Variants in SPAG17 observed in about 807,000 individuals in gnomAD.
The protein encoded by SPAG17 is sperm-associated antigen 17.
A neutral mutation model predicts 273.6 loss-of-function variants in SPAG17; 169 were observed. That is an observed-to-expected ratio of 0.62 (90% CI 0.55 to 0.70). The LOEUF is 0.70. Ranked by LOEUF, SPAG17 falls within the 30% of genes least tolerant of loss-of-function variation. The pLI, the probability that SPAG17 is intolerant of heterozygous loss-of-function variation, is 0.00. For missense variants in SPAG17, 2,557 were observed against 2,627.8 expected, an observed-to-expected ratio of 0.97 and a Z score of 0.59; for synonymous variants, 825 against 873.2, an observed-to-expected ratio of 0.94 and a Z score of 0.97.
chr1:118,148,220 T>C (rs904482277), intron 3 of SPAG17, among the ~76,000 whole-genome samples: 1 of 152,232 alleles, frequency 6.6e-6, no homozygotes, highest in Non-Finnish European at 1.5e-5. Context: ...TCCTAGTGTG[T>C]CTGGAGTTGA....
Position 117,983,929 on chromosome 1 carries a change from A to T in SPAG17, c.5770-16T>A, listed in dbSNP as rs1303461580. ...GGTGATTATACTGAAAGGAAAAAAA[A>T]ACTTATTTTAGACTTATACATGGCT... On this transcript the variant is annotated splice_polypyrimidine_tract_variant and intron_variant, in intron 41 of 48. Transcript: ENST00000336338. 2.1e-6 allele frequency: 3 copies of T among 1,454,600 alleles called. No homozygotes were observed. The Admixed American group carries it at 5.2e-5, about 25-fold the overall frequency. 90.1% of individuals were successfully genotyped at this position (1,454,600 alleles called of 1,614,324 possible).
intron 4 of SPAG17, among the ~76,000 whole-genome samples, chr1:118,110,838 G>C (rs1246193947): frequency 6.6e-6 from 1 of 152,182 alleles, no homozygotes; most frequent in African/African-American, 2.4e-5. Flanking sequence ...CATAATTATT[G>C]AGACACACTT....
chr1:118,075,174 G>A (rs968160727), intron 15 of SPAG17, among the ~76,000 whole-genome samples: 8 of 152,148 alleles, frequency 5.3e-5, no homozygotes, highest in African/African-American at 1.2e-4. Context: ...ATGAGCATCT[G>A]CTAATTTACA....
At chr1:118,040,384 AC>A (rs1210017946) in intron 22 of SPAG17, among the ~76,000 whole-genome samples, 1 of 152,188 alleles carries the variant, frequency 6.6e-6, no homozygotes, top group Non-Finnish European at 1.5e-5. Flanking sequence ...CACAGAATGC[AC>A]TTGGCTTCTG....
intron 3 of SPAG17, among the ~76,000 whole-genome samples, chr1:118,123,517 T>C (rs1657535876): frequency 6.6e-6 from 1 of 152,234 alleles, no homozygotes; most frequent in Non-Finnish European, 1.5e-5. Context: ...ATATAGATCA[T>C]ACTGTCTGTC....
At chr1:117,994,602 T>C in intron 34 of SPAG17, 72 bp from the exon 35 acceptor site, 2 of 1,480,894 alleles carry the variant, frequency 1.4e-6, no homozygotes, top group South Asian at 2.7e-5. Context: ...ACGCATTGAC[T>C]AAATTCAACA....
At chr1:118,077,987 G>T (rs1654242741) in intron 15 of SPAG17, among the ~76,000 whole-genome samples, 3 of 152,102 alleles carry the variant, frequency 2.0e-5, no homozygotes, top group African/African-American at 4.8e-5. Context: ...CTAAGTCTTG[G>T]TTTCCTCATC....
chr1:118,054,499 G>A (rs1201839071), intron 19 of SPAG17, among the ~76,000 whole-genome samples: 7 of 151,880 alleles, frequency 4.6e-5, no homozygotes, highest in East Asian at 1.9e-4. Flanking sequence ...ATACTTTTCC[G>A]TACTTGAGAG....
At chr1:117,973,624 T>C (rs1171177416) in intron 43 of SPAG17, 63 bp from the exon 44 acceptor site, 5 of 1,513,280 alleles carry the variant, frequency 3.3e-6, no homozygotes, top group African/African-American at 1.4e-5. Context: ...TTTGAAGTAA[T>C]ATCAGAATGT....
intron 42 of SPAG17, among the ~76,000 whole-genome samples, chr1:117,982,737 A>C (rs911097779): frequency 3.3e-5 from 5 of 152,200 alleles, no homozygotes; most frequent in African/African-American, 1.2e-4. Flanking sequence ...AAACTTGTGC[A>C]GTTTCTCCAA....
At chr1:118,150,430 G>T in intron 3 of SPAG17, 113 bp downstream of exon 3, 1 of 521,908 alleles carries the variant, frequency 1.9e-6, no homozygotes, top group Non-Finnish European at 3.3e-6. Context: ...TATCTCCAAT[G>T]AGGAGCAGGC....
At chr1:117,973,696 A>T in intron 43 of SPAG17, 135 bp from the exon 44 acceptor site, 1 of 772,946 alleles carries the variant, frequency 1.3e-6, no homozygotes, top group Non-Finnish European at 1.9e-6. Context: ...TTATTTATTT[A>T]TTTTTATTTT....
At chr1:117,966,528 T>A in intron 47 of SPAG17, 81 bp downstream of exon 47, 1 of 1,231,138 alleles carries the variant, frequency 8.1e-7, no homozygotes, top group Non-Finnish European at 1.1e-6. Flanking sequence ...AAAGTAGAGA[T>A]GCATTTTGAC....
intron 47 of SPAG17, chr1:117,965,398 T>C (rs1488588538): frequency 6.6e-6 from 1 of 152,224 alleles, no homozygotes; most frequent in Non-Finnish European, 1.5e-5. Flanking sequence ...GTGTAAACGA[T>C]GCTTAAAATT....
intron 4 of SPAG17, among the ~76,000 whole-genome samples, chr1:118,104,739 T>C (rs752079950): frequency 1.3e-5 from 2 of 152,130 alleles, no homozygotes; most frequent in African/African-American, 2.4e-5. Flanking sequence ...TTGGCAGTTG[T>C]AGGTAACATG....
rs923980822 is a variant in SPAG17 at position 118,128,777 on chromosome 1, T to C, written c.316-13336A>G. Among the ~76,000 whole-genome samples, 4 of 152,330 alleles carry C rather than the reference T, an allele frequency of 2.6e-5. 1 individual carries two copies. In the East Asian group the frequency reaches 5.8e-4, roughly 22 times the overall value. ...TTCCACTTCTCAGACTAGAGGTTGC[T>C]GATTGCTCCTCCATCATGTCACCTT... On this transcript the variant is annotated intron_variant, in intron 3 of 48. Coordinates refer to ENST00000336338, the MANE Select transcript of SPAG17 (RefSeq NM_206996.4).
intron 4 of SPAG17, among the ~76,000 whole-genome samples, chr1:118,110,152 T>C (rs913342129): frequency 2.6e-5 from 4 of 152,168 alleles, no homozygotes; most frequent in African/African-American, 4.8e-5. Context: ...CATGGTTTAT[T>C]ATGAAAAGAA....
Position 118,074,593 on chromosome 1 carries a change from G to A in SPAG17, c.2217C>T (p.Thr739=). ...AQPQHESLEQ[T]TNNEIKDDAV... ...CATCATCTTTGATCTCATTGTTTGTGGTCTGCTCTGCAAATCAAAGACACC... is the reference window on the plus strand; with the variant it reads ...CATCATCTTTGATCTCATTGTTTGTAGTCTGCTCTGCAAATCAAAGACACC... Residue 739 remains threonine, a synonymous_variant, in exon 16 of 49, where the codon ACC becomes ACT. Transcript: ENST00000336338. The A allele has an allele frequency of 6.2e-7, 1 of 1,613,468 alleles. No individual in the cohort carries two copies. Among genetic ancestry groups the A allele is most frequent in the Non-Finnish European group, 8.5e-7 (1 of 1,179,686 alleles).
At position 118,051,544 on chromosome 1, in the gene SPAG17, T is replaced by TACACAC. The variant is rs147508671; in HGVS notation, c.2814+2452_2814+2457dup. ...ATAAATGAATAAAGAAAATTTGAGA[T>TACACAC]ACACACACACACACACAGTGGAATA... On this transcript the variant is annotated intron_variant, in intron 20 of 48. Transcript: ENST00000336338. Among the ~76,000 whole-genome samples the TACACAC allele has an allele frequency of 5.0e-3, 735 of 148,162 alleles. 5 individuals are homozygous for TACACAC. The highest frequency in any genetic ancestry group is 0.015 in the African/African-American group (592 of 40,474).
Sources: allele counts gnomAD v4.1 joint callset (sites outside exome capture counted in the v4.1 genomes callset), GRCh38; gene constraint gnomAD v4.1.1; transcripts MANE v1.5; gene names NCBI Gene and HGNC (gene_info 2026-07-23, HGNC 2026-07-21).